TBC1D32: variants seen among roughly 807,000 people sequenced by gnomAD.
TBC1D32 encodes TBC1 domain family member 32.
Under a neutral mutation model 170.3 loss-of-function variants are expected in TBC1D32, and 151 were observed. That is an observed-to-expected ratio of 0.89 (90% confidence interval 0.78 to 1.01). The LOEUF (loss-of-function observed/expected upper bound fraction) is 1.01, where lower values mean the gene tolerates loss of function less well. TBC1D32 is among the 50% of genes least tolerant of loss of function. TBC1D32 has a pLI of 0.00. For synonymous variants in TBC1D32, 498 were observed against 488.0 expected (o/e 1.02, Z -0.27); for missense variants, 1,464 against 1,457.1 (o/e 1.00, Z -0.08).
Position 121,281,665 on chromosome 6 carries a change from A to G in TBC1D32, c.1487T>C (p.Met496Thr). 3 of 1,598,428 alleles carry G rather than the reference A, an allele frequency of 1.9e-6. No individual in the cohort carries two copies. Among genetic ancestry groups the G allele is most frequent in the South Asian group, 2.3e-5 (2 of 88,238 alleles). Residue 496 changes from methionine to threonine, a missense_variant, in exon 14 of 32, where the codon ATG becomes ACG. By Grantham distance (81) the Met-to-Thr change is moderately conservative. This residue lies in a region of TBC1D32 where 1,363 missense variants were observed against 1,338.1 expected (regional missense o/e 1.02). Coordinates refer to ENST00000398212, the MANE Select transcript of TBC1D32 (RefSeq NM_152730.6). Reference protein sequence around the residue: ...AHSENYSPASMVTEVLWILSD... With the variant: ...AHSENYSPASTVTEVLWILSD... Reference sequence around the variant, plus strand: ...GAGTATCCACAGAACTTCAGTCACCATACTTGCAGGAGAGTAATTCTCTAA... The same window carrying G: ...GAGTATCCACAGAACTTCAGTCACCGTACTTGCAGGAGAGTAATTCTCTAA...
chr6:121,323,258 T>C (rs1384553759), intron 1 of TBC1D32, among the ~76,000 whole-genome samples: 1 of 152,174 alleles, frequency 6.6e-6, no homozygotes, highest in Non-Finnish European at 1.5e-5. Flanking sequence ...CAAAGCCATA[T>C]CACTTCAGAG....
At chr6:121,189,028 G>A (rs1188444625) in intron 22 of TBC1D32, among the ~76,000 whole-genome samples, 1 of 152,044 alleles carries the variant, frequency 6.6e-6, no homozygotes, top group African/African-American at 2.4e-5. Flanking sequence ...TATCTCTAAT[G>A]TAACAAAACC....
chr6:121,205,350 TC>T (rs928112007), intron 21 of TBC1D32, among the ~76,000 whole-genome samples, 187 bp from the exon 22 acceptor site: 1 of 152,134 alleles, frequency 6.6e-6, no homozygotes, highest in Admixed American at 6.5e-5. Context: ...GTCCTAACCC[TC>T]AAAGTTTCTG....
rs753873287 is a variant in TBC1D32 at position 121,334,452 on chromosome 6, C to CT, written c.-23dup. The CT allele has an allele frequency of 6.2e-7, 1 of 1,606,810 alleles. No individual in the cohort carries two copies. Among genetic ancestry groups the CT allele is most frequent in the Admixed American group, 1.7e-5 (1 of 58,686 alleles). On this transcript the variant is annotated 5_prime_UTR_variant, in exon 1 of 32. An upstream open reading frame in the 5' UTR loses its in-frame stop. Coordinates refer to ENST00000398212, the MANE Select transcript of TBC1D32 (RefSeq NM_152730.6). ...CCATCCTGTTGGAATCAAACGTCCA[C>CT]TCTCATTACTCCAGGTCCGAGCAAA... is the stretch of plus-strand genomic sequence containing the variant.
intron 2 of TBC1D32, among the ~76,000 whole-genome samples, chr6:121,319,031 T>C (rs945853321): frequency 1.3e-5 from 2 of 149,704 alleles, no homozygotes; most frequent in Non-Finnish European, 3.0e-5. Flanking sequence ...TTTTGTTAGA[T>C]ATAATTTCTA....
At position 121,328,452 on chromosome 6, in the gene TBC1D32, AT is replaced by A. The variant is rs1425652969; in HGVS notation, c.155+5823del. The stretch of plus-strand genomic sequence containing the variant: ...AGATGCCCGCCACCACACCTGGCTA[AT>A]TTTTTTTTTTTTAGTAGAGACGGGG... On this transcript the variant is annotated intron_variant, in intron 1 of 31. Transcript: ENST00000398212. Among the ~76,000 whole-genome samples the A allele has an allele frequency of 5.6e-3, 801 of 143,776 alleles. 7 individuals carry two copies. Among genetic ancestry groups the A allele is most frequent in the African/African-American group, 9.0e-3 (356 of 39,396 alleles). 94.3% of individuals were successfully genotyped at this position (143,776 alleles called of 152,430 possible).
intron 22 of TBC1D32, among the ~76,000 whole-genome samples, chr6:121,176,417 C>T (rs1787768904): frequency 6.6e-6 from 1 of 152,100 alleles, no homozygotes; most frequent in African/African-American, 2.4e-5. Flanking sequence ...GGGAGAAGTA[C>T]ACATTGAGCA....
chr6:121,142,109 A>C (rs1782864822), intron 24 of TBC1D32, among the ~76,000 whole-genome samples: 1 of 152,242 alleles, frequency 6.6e-6, no homozygotes, highest in Non-Finnish European at 1.5e-5. Context: ...AAATGCGAGC[A>C]TCGCCAGCTT....
chr6:121,294,948 C>T (rs751774465), intron 10 of TBC1D32, among the ~76,000 whole-genome samples: 7 of 151,988 alleles, frequency 4.6e-5, no homozygotes, highest in Admixed American at 6.6e-5. Context: ...TAGTGAAAAA[C>T]GCAAAAACTC....
intron 20 of TBC1D32, among the ~76,000 whole-genome samples, chr6:121,238,597 G>T (rs779107795): frequency 1.3e-5 from 2 of 152,110 alleles, no homozygotes; most frequent in Non-Finnish European, 2.9e-5. Flanking sequence ...AGAACATTGG[G>T]TGACTGATTT....
At position 121,131,618 on chromosome 6, in the gene TBC1D32, T is replaced by C. The variant is rs1384327630; in HGVS notation, c.2899+9A>G. The C allele has an allele frequency of 2.5e-6, 4 of 1,598,002 alleles. No individual in the cohort carries two copies. The highest frequency in any genetic ancestry group is 1.3e-5 in the African/African-American group (1 of 74,516). ...ATAAGAAAACCCACAATGGAAACAA[T>C]GTACTTACCCTCTCCACTGATTATA... On this transcript the variant is annotated intron_variant, in intron 25 of 31. Transcript: ENST00000398212.
chr6:121,116,187 T>C (rs1336921149), intron 26 of TBC1D32, among the ~76,000 whole-genome samples: 1 of 151,696 alleles, frequency 6.6e-6, no homozygotes, highest in African/African-American at 2.4e-5. Context: ...TTTTTTTTCC[T>C]TCATTACACA....
chr6:121,231,800 T>C (rs1795776017), intron 20 of TBC1D32, among the ~76,000 whole-genome samples: 1 of 152,192 alleles, frequency 6.6e-6, no homozygotes, highest in African/African-American at 2.4e-5. Context: ...TTGAGTTCTT[T>C]GTAGATTCTG....
At chr6:121,225,149 A>T (rs1208944425) in intron 20 of TBC1D32, among the ~76,000 whole-genome samples, 1 of 152,016 alleles carries the variant, frequency 6.6e-6, no homozygotes, top group Non-Finnish European at 1.5e-5. Flanking sequence ...GAAAAACTGG[A>T]GGGTTCATAG....
At chr6:121,247,915 A>G in intron 17 of TBC1D32, among the ~76,000 whole-genome samples, 1 of 152,038 alleles carries the variant, frequency 6.6e-6, no homozygotes, top group Non-Finnish European at 1.5e-5. Flanking sequence ...GGTCATCAAG[A>G]CAGAAAGTCA....
At chr6:121,263,553 C>G (rs1286473178) in intron 15 of TBC1D32, among the ~76,000 whole-genome samples, 5 of 152,108 alleles carry the variant, frequency 3.3e-5, no homozygotes, top group Non-Finnish European at 1.5e-5. Context: ...AGAAAATTAA[C>G]AAGGATACTC....
chr6:121,155,081 T>C (rs781672852), intron 24 of TBC1D32, among the ~76,000 whole-genome samples: 1 of 152,196 alleles, frequency 6.6e-6, no homozygotes, highest in Non-Finnish European at 1.5e-5. Context: ...AATCTATAAA[T>C]TGCTTTGGGA....
chr6:121,324,614 T>C (rs916929887), intron 1 of TBC1D32, among the ~76,000 whole-genome samples: 31 of 152,336 alleles, frequency 2.0e-4, no homozygotes, highest in African/African-American at 7.5e-4. Flanking sequence ...AAATAGTCTG[T>C]GCTTCTTTTG....
chr6:121,083,784 T>C (rs1680876037), intron 31 of TBC1D32, among the ~76,000 whole-genome samples: 1 of 152,132 alleles, frequency 6.6e-6, no homozygotes, highest in African/African-American at 2.4e-5. Context: ...GTTTATTGAC[T>C]CTAAGCCTCA....
Sources: gnomAD v4.1 joint callset for allele counts (sites outside exome capture counted in the v4.1 genomes callset) on GRCh38, gnomAD v4.1.1 for gene constraint, gnomAD v4.1.1 regional missense constraint, MANE v1.5 for transcripts, NCBI Gene and HGNC (gene_info 2026-07-23, HGNC 2026-07-21) for gene names.